The following RANBP3 variants were observed in gnomAD, a reference collection of about 807,000 sequenced individuals.
RANBP3 encodes ran-binding protein 3.
Under a neutral mutation model 77.3 loss-of-function variants are expected in RANBP3, and 14 were observed. The ratio of observed to expected loss-of-function variants is 0.18; its 90% CI spans 0.12 to 0.28. The LOEUF (loss-of-function observed/expected upper bound fraction) is 0.28, where lower values mean the gene tolerates loss of function less well. Ranked by LOEUF, RANBP3 falls within the 10% of genes least tolerant of loss-of-function variation. RANBP3 has a pLI of 1.00. For missense variants in RANBP3, 586 were observed against 752.3 expected (o/e 0.78, Z 2.59); for synonymous variants, 315 against 312.4 (o/e 1.01, Z -0.09).
chr19:5,923,143 C>T (rs776168235), intron 13 of RANBP3, 51 bp downstream of exon 13: 9 of 1,494,590 alleles, frequency 6.0e-6, no homozygotes, highest in Admixed American at 5.0e-5. Flanking sequence ...GCGGTTGGAC[C>T]CCCAGGTGCA....
chr19:5,944,642 G>A (rs2058180706), intron 3 of RANBP3, among the ~76,000 whole-genome samples: 1 of 152,238 alleles, frequency 6.6e-6, no homozygotes, highest in South Asian at 2.1e-4. Flanking sequence ...GAGCCCTGTA[G>A]GCTGGCTTTG....
At position 5,941,784 on chromosome 19, in the gene RANBP3, TAG is replaced by T; in HGVS notation, c.319+13_319+14del. On this transcript the variant is annotated intron_variant, in intron 4 of 16. Coordinates refer to ENST00000340578, the MANE Select transcript of RANBP3 (RefSeq NM_007322.3). ...TAAAACTGAAGATGGTCAAAGGTGT[TAG>T]AGAGCTCCTTACCTTCTCCGCCTTC... 6.2e-7 allele frequency: 1 copy of T among 1,612,268 alleles called. No homozygotes were observed. The highest frequency in any genetic ancestry group is 8.5e-7 in the Non-Finnish European group (1 of 1,179,998).
chr19:5,919,395 C>A (rs369570835), intron 14 of RANBP3, among the ~76,000 whole-genome samples: 1 of 152,168 alleles, frequency 6.6e-6, no homozygotes, highest in Non-Finnish European at 1.5e-5. Context: ...AGCGAACAGA[C>A]CTCCCTGAGC....
In RANBP3 at chr19:5,932,430, CGCCAGGGCT is replaced by C. The variant is rs1343764265; in HGVS notation, c.565+13_565+21del. On this transcript the variant is annotated intron_variant, in intron 7 of 16. Coordinates refer to ENST00000340578, the MANE Select transcript of RANBP3 (RefSeq NM_007322.3). ...CTCTACCCTGCCGTCTGGGCCTGGG[CGCCAGGGCT>C]GCTGTTTCTTACCAGTCTGGGACAG... 7 of 1,607,162 alleles carry C rather than the reference CGCCAGGGCT, an allele frequency of 4.4e-6. No individual in the cohort carries two copies. The highest frequency in any genetic ancestry group is 6.0e-6 in the Non-Finnish European group (7 of 1,174,706).
chr19:5,969,561 G>A (rs937612905), intron 1 of RANBP3, among the ~76,000 whole-genome samples: 1 of 152,226 alleles, frequency 6.6e-6, no homozygotes, highest in Non-Finnish European at 1.5e-5. Flanking sequence ...CAGCGACAGC[G>A]AAATGCAGTG....
intron 2 of RANBP3, among the ~76,000 whole-genome samples, chr19:5,954,520 G>A (rs1266654273): frequency 2.0e-5 from 3 of 152,156 alleles, no homozygotes; most frequent in Non-Finnish European, 4.4e-5. Context: ...TGAGAGGTGA[G>A]GGCAGCAATG....
chr19:5,960,484 C>T (rs143501575), intron 1 of RANBP3, among the ~76,000 whole-genome samples: 127 of 152,314 alleles, frequency 8.3e-4, no homozygotes, highest in Middle Eastern at 6.8e-3. Flanking sequence ...CTGTCTCACC[C>T]ATTAAGATAT....
chr19:5,930,579 C>T (rs1568453323), intron 8 of RANBP3, among the ~76,000 whole-genome samples: 1 of 152,140 alleles, frequency 6.6e-6, no homozygotes, highest in African/African-American at 2.4e-5. Context: ...GGAACTATTT[C>T]TTTTTTTAAG....
intron 10 of RANBP3, chr19:5,925,176 C>T (rs915009599): frequency 3.3e-5 from 17 of 522,372 alleles, no homozygotes; most frequent in Non-Finnish European, 3.1e-5. Flanking sequence ...AGTCGGGACA[C>T]GCTTTCTTCT....
chr19:5,959,402 TG>T lies in RANBP3; in HGVS notation c.23-1430del, dbSNP rs1234032659. On this transcript the variant is annotated intron_variant, in intron 1 of 16. Transcript: ENST00000340578. This position sits in a 1 kb window ranked among gnomAD's most constrained non-coding sequence, Gnocchi z 5.1. Reference sequence around the variant, plus strand: ...GCAGGACAGACTCTGGTCTTGACCTTGGGGCATCAGTCCACAGCCAGGCAGC... The same window carrying T: ...GCAGGACAGACTCTGGTCTTGACCTTGGGCATCAGTCCACAGCCAGGCAGC... Among the ~76,000 whole-genome samples the T allele has an allele frequency of 6.6e-6, 1 of 151,936 alleles. No individual in the cohort carries two copies. Among genetic ancestry groups the T allele is most frequent in the Non-Finnish European group, 1.5e-5 (1 of 67,956 alleles).
chr19:5,950,327 A>G (rs906107594), intron 3 of RANBP3, among the ~76,000 whole-genome samples: 2 of 151,724 alleles, frequency 1.3e-5, no homozygotes, highest in African/African-American at 2.4e-5. Flanking sequence ...TACTGCCGTT[A>G]CCTCCCCCAC....
intron 1 of RANBP3, among the ~76,000 whole-genome samples, chr19:5,964,214 TAAG>T (rs2058437243): frequency 6.6e-6 from 1 of 152,154 alleles, no homozygotes; most frequent in South Asian, 2.1e-4. Flanking sequence ...ACAGACAGGC[TAAG>T]AAGCAAGCCA....
At position 5,924,437 on chromosome 19, in the gene RANBP3, C is replaced by T. The variant is rs1347738095; in HGVS notation, c.996+390G>A. Among the ~76,000 whole-genome samples the T allele has an allele frequency of 6.6e-6, 1 of 152,270 alleles. No homozygotes were observed. The highest frequency in any genetic ancestry group is 1.9e-4 in the East Asian group (1 of 5,202). On this transcript the variant is annotated intron_variant, in intron 11 of 16. Transcript: ENST00000340578. The surrounding 1 kb of genome is among the most constrained non-coding windows in gnomAD (Gnocchi z 4.7). ...ACCCAAGGCCTTGGCCGCGGTTATG[C>T]TCACAGGAGCAGGGAGGCCAGCAAC...
At chr19:5,927,523 G>A (rs1286958806) in intron 9 of RANBP3, among the ~76,000 whole-genome samples, 1 of 152,224 alleles carries the variant, frequency 6.6e-6, no homozygotes, top group East Asian at 1.9e-4. Flanking sequence ...ACCCTGCAGT[G>A]CCCAGGGCGA....
At chr19:5,961,183 C>T (rs1599784959) in intron 1 of RANBP3, among the ~76,000 whole-genome samples, 1 of 149,260 alleles carries the variant, frequency 6.7e-6, no homozygotes, top group Non-Finnish European at 1.5e-5. Context: ...GTGGCTCACA[C>T]CTGTAATCCC....
chr19:5,943,415 G>C (rs2058165029), intron 3 of RANBP3, among the ~76,000 whole-genome samples: 1 of 152,184 alleles, frequency 6.6e-6, no homozygotes, highest in South Asian at 2.1e-4. Flanking sequence ...CCAGACTGTC[G>C]GTACTGCTGG....
At chr19:5,964,018 T>A (rs2058434554) in intron 1 of RANBP3, among the ~76,000 whole-genome samples, 1 of 152,164 alleles carries the variant, frequency 6.6e-6, no homozygotes, top group South Asian at 2.1e-4. Flanking sequence ...CAAGGGAAGA[T>A]GGCCTGGCCA....
rs769844419 is a variant in RANBP3 at position 5,927,989 on chromosome 19, C to T, written c.792G>A (p.Gln264=). Residue 264 remains glutamine, a synonymous_variant, in exon 9 of 17, where the codon CAG becomes CAA. Transcript: ENST00000340578. ...PATQQAFVFG[Q]NLRDRVKLIN... ...ATACCTTAACTCTGTCCCTCAAGTT[C>T]TGCCCAAATACAAAGGCTTGCTGTG... 1.9e-6 allele frequency: 3 copies of T among 1,613,478 alleles called. No homozygotes were observed. Among genetic ancestry groups the T allele is most frequent in the Non-Finnish European group, 2.5e-6 (3 of 1,179,690 alleles).
intron 1 of RANBP3, among the ~76,000 whole-genome samples, chr19:5,963,809 G>A (rs1442792812): frequency 6.6e-6 from 1 of 152,096 alleles, no homozygotes; most frequent in African/African-American, 2.4e-5. Context: ...GGCCTTCAGG[G>A]GCACTGTGCA....
Sources: allele counts gnomAD v4.1 joint callset (sites outside exome capture counted in the v4.1 genomes callset), GRCh38; gene constraint gnomAD v4.1.1; non-coding constraint Gnocchi (gnomAD v3.1); transcripts MANE v1.5; gene names NCBI Gene and HGNC (gene_info 2026-07-23, HGNC 2026-07-21).